RAB3C: variants seen among roughly 807,000 people sequenced by gnomAD.
RAB3C encodes the protein RAB3C, member RAS oncogene family.
A neutral mutation model predicts 26.4 loss-of-function variants in RAB3C; 17 were observed. The ratio of observed to expected loss-of-function variants is 0.64; its 90% CI spans 0.44 to 0.97. RAB3C has a LOEUF of 0.97. RAB3C is among the 50% of genes least tolerant of loss of function. The pLI, the probability that RAB3C is intolerant of heterozygous loss-of-function variation, is 0.00. For synonymous variants in RAB3C, 91 were observed against 95.9 expected (o/e 0.95, Z 0.30); for missense variants, 242 against 281.9 (o/e 0.86, Z 1.01).
At chr5:58,830,294 G>A (rs936395157) in intron 4 of RAB3C, among the ~76,000 whole-genome samples, 1 of 152,212 alleles carries the variant, frequency 6.6e-6, no homozygotes, top group Admixed American at 6.5e-5. Flanking sequence ...ATCTCTGGAA[G>A]TGGAAGGTAG....
Position 58,713,409 on chromosome 5 carries a change from A to G in RAB3C, c.253-12593A>G, listed in dbSNP as rs377440927. On this transcript the variant is annotated intron_variant, in intron 2 of 4. Transcript: ENST00000282878. ...GGAATTTTAAACACGACGTTAATCA[A>G]ACAGGCCACTTCTGTGAGGCAGATA... Among the ~76,000 whole-genome samples, 10 of 152,354 alleles carry G rather than the reference A, an allele frequency of 6.6e-5. No individual in the cohort carries two copies. In the East Asian group the frequency reaches 1.9e-3, roughly 29 times the overall value.
At chr5:58,671,877 A>G (rs923370485) in intron 2 of RAB3C, among the ~76,000 whole-genome samples, 2 of 152,204 alleles carry the variant, frequency 1.3e-5, no homozygotes, top group Non-Finnish European at 2.9e-5. Flanking sequence ...CACCAGGAGA[A>G]AGGCTAAGAT....
At chr5:58,605,092 C>G (rs577807421) in intron 1 of RAB3C, among the ~76,000 whole-genome samples, 21 of 152,256 alleles carry the variant, frequency 1.4e-4, no homozygotes, top group Admixed American at 1.2e-3. Context: ...TTCAACTTCT[C>G]CAGTGGGGTG....
At chr5:58,676,442 G>T (rs966471250) in intron 2 of RAB3C, among the ~76,000 whole-genome samples, 38 of 152,232 alleles carry the variant, frequency 2.5e-4, no homozygotes, top group African/African-American at 8.9e-4. Context: ...GGCAGAGGTT[G>T]CAGTGAGCCC....
intron 3 of RAB3C, among the ~76,000 whole-genome samples, chr5:58,751,242 A>G (rs371334): frequency 1.3e-5 from 2 of 152,250 alleles, no homozygotes; most frequent in Non-Finnish European, 2.9e-5. Context: ...GATTTGAATC[A>G]TAGTTATCGC....
chr5:58,851,234 TATC>T lies in RAB3C; in HGVS notation c.571_573del (p.Ile191del). The T allele has an allele frequency of 6.2e-7, 1 of 1,613,992 alleles. No homozygotes were observed. Among genetic ancestry groups the T allele is most frequent in the Non-Finnish European group, 8.5e-7 (1 of 1,179,918 alleles). On this transcript the variant is annotated inframe_deletion, in exon 5 of 5. Coordinates refer to ENST00000282878, the MANE Select transcript of RAB3C (RefSeq NM_138453.4). ...AGCAGACATTTGAGCGCCTTGTGGA[TATC>T]ATCTGCGACAAAATGTCAGAGAGTT... is the stretch of plus-strand genomic sequence containing the variant.
chr5:58,704,835 T>A (rs1282415051), intron 2 of RAB3C, among the ~76,000 whole-genome samples: 2 of 152,152 alleles, frequency 1.3e-5, no homozygotes, highest in African/African-American at 4.8e-5. Context: ...GGGGTGGTGA[T>A]CTTATAGCTA....
At chr5:58,587,453 C>T (rs1019555129) in intron 1 of RAB3C, among the ~76,000 whole-genome samples, 3 of 152,088 alleles carry the variant, frequency 2.0e-5, no homozygotes, top group Admixed American at 2.0e-4. Context: ...CTGTGGGAAT[C>T]ATCTTAGCAG....
chr5:58,612,534 A>ATGTGTATATATATATG (rs1225559899), intron 1 of RAB3C, among the ~76,000 whole-genome samples: 4 of 102,754 alleles, frequency 3.9e-5, no homozygotes, highest in African/African-American at 1.5e-4. Flanking sequence ...ATATATATAT[A>ATGTGTATATATATATG]TATATATATA....
chr5:58,605,941 C>A (rs1168443463), intron 1 of RAB3C, among the ~76,000 whole-genome samples: 1 of 152,090 alleles, frequency 6.6e-6, no homozygotes, highest in Non-Finnish European at 1.5e-5. Context: ...TCCAAGATGG[C>A]CAAATAGGAA....
intron 3 of RAB3C, among the ~76,000 whole-genome samples, chr5:58,774,374 T>C (rs796985285): frequency 8.5e-5 from 13 of 152,258 alleles, no homozygotes; most frequent in African/African-American, 3.1e-4. Flanking sequence ...ATACCCTTTC[T>C]TCTGTACCTC....
intron 2 of RAB3C, among the ~76,000 whole-genome samples, chr5:58,676,503 C>CA (rs1187779733): frequency 4.0e-5 from 6 of 150,804 alleles, no homozygotes; most frequent in Admixed American, 2.6e-4. Context: ...ACTCTGTTGC[C>CA]AAAAAAAATA....
chr5:58,758,581 TGA>T (rs1449025007), intron 3 of RAB3C, among the ~76,000 whole-genome samples: 1 of 152,192 alleles, frequency 6.6e-6, no homozygotes, highest in Non-Finnish European at 1.5e-5. Context: ...TTCTGGAAAC[TGA>T]GAGCACAAAC....
At position 58,851,730 on chromosome 5, in the gene RAB3C, G is replaced by A. The variant is rs1744118627; in HGVS notation, c.*379G>A. On this transcript the variant is annotated 3_prime_UTR_variant, in exon 5 of 5. Transcript: ENST00000282878. ...ATTCACTTGTAGGAATGATGACCAA[G>A]GAATTGCTTGTGTGTGTGTGTGTGT... 2 of 113,504 alleles carry A rather than the reference G, an allele frequency of 1.8e-5. No individual in the cohort carries two copies. Among genetic ancestry groups the A allele is most frequent in the Non-Finnish European group, 3.6e-5 (2 of 56,090 alleles). The allele number at this position is 113,504 out of a possible 1,614,324, so 7.0% of individuals were successfully genotyped here.
At chr5:58,813,633 T>TATATATATATAC (rs1175890816) in intron 3 of RAB3C, among the ~76,000 whole-genome samples, 3 of 17,296 alleles carry the variant, frequency 1.7e-4, no homozygotes, top group Admixed American at 8.0e-4. Context: ...TATATATATA[T>TATATATATATAC]ACACACACAC....
chr5:58,617,814 G>A lies in RAB3C; in HGVS notation c.196G>A (p.Asp66Asn). 2 of 1,613,188 alleles carry A rather than the reference G, an allele frequency of 1.2e-6. No individual in the cohort carries two copies. The highest frequency in any genetic ancestry group is 1.7e-6 in the Non-Finnish European group (2 of 1,179,420). The change falls in exon 2 of 5, where the codon GAT becomes AAT. Residue 66 changes from aspartate (D) to asparagine (N), a missense_variant. Physicochemically the swap from Asp to Asn is conservative, Grantham distance 23 (BLOSUM62 1). Coordinates refer to ENST00000282878, the MANE Select transcript of RAB3C (RefSeq NM_138453.4). ...TGCATTCGTCAGCACAGTTGGGATC[G>A]ATTTCAAAGTAAAAACTGTATTCAA... Reference protein sequence around the residue: ...TSAFVSTVGIDFKVKTVFKNE... With the variant: ...TSAFVSTVGINFKVKTVFKNE...
rs192133163 is a variant in RAB3C, at chr5:58,597,646, A to G, written c.24+14414A>G. Among the ~76,000 whole-genome samples, 593 of 135,022 alleles carry G rather than the reference A, an allele frequency of 4.4e-3. 42 individuals carry two copies. Among genetic ancestry groups the G allele is most frequent in the African/African-American group, 0.015 (565 of 37,182 alleles). 88.6% of individuals were successfully genotyped at this position (135,022 alleles called of 152,430 possible). A position where few individuals can be genotyped will look rare whatever the true frequency, so the allele number is the denominator to read the frequency against. On this transcript the variant is annotated intron_variant, in intron 1 of 4. Coordinates refer to ENST00000282878, the MANE Select transcript of RAB3C (RefSeq NM_138453.4). ...TCATTATATATAAGCATATAACAATATATAGTACATTATATATAAGTATAT... is the reference window on the plus strand; with the variant it reads ...TCATTATATATAAGCATATAACAATGTATAGTACATTATATATAAGTATAT...
intron 2 of RAB3C, among the ~76,000 whole-genome samples, chr5:58,699,107 T>A (rs556140821): frequency 6.6e-6 from 1 of 152,286 alleles, no homozygotes; most frequent in East Asian, 1.9e-4. Context: ...ACACATGGGG[T>A]TTTGGTGTAG....
chr5:58,663,902 G>A (rs184224685), intron 2 of RAB3C, among the ~76,000 whole-genome samples: 2 of 152,288 alleles, frequency 1.3e-5, no homozygotes, highest in East Asian at 3.9e-4. Context: ...AACTAAGCAA[G>A]TGCATGTTTT....
Sources: gnomAD v4.1 joint callset for allele counts (sites outside exome capture counted in the v4.1 genomes callset) on GRCh38, gnomAD v4.1.1 for gene constraint, MANE v1.5 for transcripts, NCBI Gene and HGNC (gene_info 2026-07-23, HGNC 2026-07-21) for gene names.